TNNI3K: variants seen among roughly 807,000 people sequenced by gnomAD.
TNNI3K encodes serine/threonine-protein kinase TNNI3K.
TNNI3K carries 140 observed loss-of-function variants against 114.5 expected under a neutral mutation model. That is an observed-to-expected ratio of 1.22 (90% CI 1.07 to 1.41). The LOEUF is 1.41. TNNI3K is among the 40% of genes most tolerant of loss of function. TNNI3K has a pLI of 0.00. For missense variants in TNNI3K, 1,125 were observed against 1,007.6 expected, an observed-to-expected ratio of 1.12 and a Z score of -1.58; for synonymous variants, 347 against 347.5, an observed-to-expected ratio of 1.00 and a Z score of 0.02.
chr1:74,497,564 GCA>G (rs748626223), intron 23 of TNNI3K, among the ~76,000 whole-genome samples: 143 of 147,042 alleles, frequency 9.7e-4, no homozygotes, highest in African/African-American at 2.6e-3. Context: ...CCACATACAT[GCA>G]CACACACACA....
chr1:74,298,010 C>T (rs1406597686), intron 5 of TNNI3K, among the ~76,000 whole-genome samples: 3 of 152,082 alleles, frequency 2.0e-5, no homozygotes, highest in Admixed American at 6.5e-5. Flanking sequence ...AATACATTCT[C>T]CTCTTCAGTT....
intron 5 of TNNI3K, among the ~76,000 whole-genome samples, chr1:74,318,736 T>C (rs2100375410): frequency 6.6e-6 from 1 of 152,372 alleles, no homozygotes; most frequent in Non-Finnish European, 1.5e-5. Flanking sequence ...ATCATAGTTA[T>C]TTTGTTTCTT....
chr1:74,395,433 C>T (rs936202781), intron 17 of TNNI3K, among the ~76,000 whole-genome samples: 6 of 152,132 alleles, frequency 3.9e-5, no homozygotes, highest in African/African-American at 1.2e-4. Flanking sequence ...TGTCTCCCTG[C>T]AGAACCCATA....
intron 23 of TNNI3K, among the ~76,000 whole-genome samples, chr1:74,493,328 G>A (rs543462341): frequency 6.9e-4 from 105 of 152,306 alleles, no homozygotes; most frequent in African/African-American, 2.4e-3. Flanking sequence ...CCACTGAGTT[G>A]CTAGTTTTAA....
chr1:74,372,352 C>G (rs1440012267), intron 17 of TNNI3K: 1 of 151,756 alleles, frequency 6.6e-6, no homozygotes, highest in South Asian at 2.1e-4. Flanking sequence ...ACAGCTCAGA[C>G]TGCCCTCAGC....
chr1:74,366,663 T>C (rs2100513343), intron 11 of TNNI3K: 2 of 152,042 alleles, frequency 1.3e-5, no homozygotes, highest in South Asian at 4.1e-4. Flanking sequence ...AAGGCCACAG[T>C]TGGATGCAAG....
At chr1:74,324,472 G>A (rs979263424) in intron 5 of TNNI3K, among the ~76,000 whole-genome samples, 1 of 152,178 alleles carries the variant, frequency 6.6e-6, no homozygotes, top group Non-Finnish European at 1.5e-5. Flanking sequence ...CTGCTCAATA[G>A]GACTTTCTGC....
intron 5 of TNNI3K, among the ~76,000 whole-genome samples, chr1:74,321,475 A>G (rs898833826): frequency 6.6e-6 from 1 of 152,028 alleles, no homozygotes; most frequent in Non-Finnish European, 1.5e-5. Context: ...TTACCTCTAT[A>G]AAATGATATC....
intron 20 of TNNI3K, among the ~76,000 whole-genome samples, chr1:74,455,815 G>T (rs1004086700): frequency 2.0e-5 from 3 of 152,180 alleles, no homozygotes; most frequent in Non-Finnish European, 4.4e-5. Context: ...GATGATGCCT[G>T]CCCACATTGG....
intron 5 of TNNI3K, among the ~76,000 whole-genome samples, chr1:74,285,555 G>A (rs1299403035): frequency 6.6e-6 from 1 of 151,960 alleles, no homozygotes; most frequent in East Asian, 1.9e-4. Context: ...CTAATAACAT[G>A]TAACACCACC....
chr1:74,305,708 T>A (rs1304118070), intron 5 of TNNI3K, among the ~76,000 whole-genome samples: 1 of 152,166 alleles, frequency 6.6e-6, no homozygotes, highest in Non-Finnish European at 1.5e-5. Context: ...TACAAAGCCA[T>A]CTCAGTTGAT....
At chr1:74,395,245 A>G (rs1664017587) in intron 17 of TNNI3K, among the ~76,000 whole-genome samples, 1 of 152,096 alleles carries the variant, frequency 6.6e-6, no homozygotes, top group Non-Finnish European at 1.5e-5. Context: ...CATCATTAAA[A>G]GTCTCACTTT....
At chr1:74,389,042 C>T (rs1242460036) in intron 17 of TNNI3K, among the ~76,000 whole-genome samples, 1 of 152,204 alleles carries the variant, frequency 6.6e-6, no homozygotes, top group African/African-American at 2.4e-5. Context: ...GACCATGCCC[C>T]GACCTCAGTA....
intron 23 of TNNI3K, among the ~76,000 whole-genome samples, chr1:74,503,905 T>C (rs1272542176): frequency 6.6e-6 from 1 of 152,204 alleles, no homozygotes; most frequent in Non-Finnish European, 1.5e-5. Context: ...GTGTTTGGTA[T>C]ACCTCATTAT....
At position 74,367,302 on chromosome 1, in the gene TNNI3K, A is replaced by G. The variant is rs1662326403; in HGVS notation, c.1224A>G (p.Gln408=). ...VTLLKHYKRP[Q]DELPCNEYSQ... is the part of the protein sequence containing the mutation. ...TCCTGAAGCATTATAAGAGACCACA[A>G]GATGAATTGCCCTGTAATGAATATT... is the stretch of plus-strand genomic sequence containing the variant. Residue 408 remains glutamine (Q), a synonymous_variant, in exon 12 of 25, where the codon CAA becomes CAG. Transcript: ENST00000326637. 14 of 1,612,286 alleles carry G rather than the reference A, an allele frequency of 8.7e-6. No homozygotes were observed. The highest frequency in any genetic ancestry group is 1.2e-5 in the Non-Finnish European group (14 of 1,178,780).
intron 23 of TNNI3K, among the ~76,000 whole-genome samples, chr1:74,494,588 G>A (rs150376986): frequency 6.6e-6 from 1 of 152,184 alleles, no homozygotes; most frequent in East Asian, 1.9e-4. Context: ...GTCTTTTAAA[G>A]CTATTTCTCT....
chr1:74,415,849 T>G (rs192276997), intron 17 of TNNI3K, among the ~76,000 whole-genome samples: 1 of 152,262 alleles, frequency 6.6e-6, no homozygotes, highest in African/African-American at 2.4e-5. Flanking sequence ...CTACATAATA[T>G]GAGTGAGATG....
chr1:74,539,257 G>C (rs1646697263), intron 23 of TNNI3K, among the ~76,000 whole-genome samples: 1 of 152,122 alleles, frequency 6.6e-6, no homozygotes, highest in South Asian at 2.1e-4. Flanking sequence ...AATAATTTTG[G>C]CTCAAGGTAA....
intron 9 of TNNI3K, among the ~76,000 whole-genome samples, chr1:74,347,073 A>G (rs1273180438): frequency 6.6e-6 from 1 of 151,844 alleles, no homozygotes; most frequent in African/African-American, 2.4e-5. Context: ...ATATGTATAC[A>G]TGTGCCATGT....
Sources: gnomAD v4.1 joint callset for allele counts (sites outside exome capture counted in the v4.1 genomes callset) on GRCh38, gnomAD v4.1.1 for gene constraint, MANE v1.5 for transcripts, NCBI Gene and HGNC (gene_info 2026-07-23, HGNC 2026-07-21) for gene names.